Variants in SMAD3 observed in about 807,000 individuals in gnomAD.
The protein encoded by SMAD3 is SMAD family member 3.
SMAD3 carries 12 observed loss-of-function variants against 51.8 expected under a neutral mutation model. The observed-to-expected ratio is 0.23, with a 90% CI of 0.15 to 0.38. The LOEUF (loss-of-function observed/expected upper bound fraction) is 0.38. SMAD3 is among the 10% of genes least tolerant of loss of function. The pLI is 1.00. For synonymous variants in SMAD3, 238 were observed against 227.7 expected, an observed-to-expected ratio of 1.05 and a Z score of -0.41; for missense variants, 294 against 565.6, an observed-to-expected ratio of 0.52 and a Z score of 4.87.
At position 67,092,538 on chromosome 15, in the gene SMAD3, T is replaced by G. The variant is rs79458729; in HGVS notation, c.206+26178T>G. 8.5e-3 allele frequency among the ~76,000 whole-genome samples: 1,295 copies of G among 152,244 alleles called. 8 individuals carry two copies. The highest frequency in any genetic ancestry group is 0.011 in the Non-Finnish European group (757 of 68,010). On this transcript the variant is annotated intron_variant, in intron 1 of 8. Coordinates refer to ENST00000327367, the MANE Select transcript of SMAD3 (RefSeq NM_005902.4). ...AACCCTGAGGGCGGTCCCAGCAGTC[T>G]GAATTTTGTACACTCTCCGAGGGCT...
At chr15:67,075,085 C>T (rs570141020) in intron 1 of SMAD3, among the ~76,000 whole-genome samples, 8 of 150,972 alleles carry the variant, frequency 5.3e-5, no homozygotes, top group Admixed American at 2.0e-4. Context: ...TTTTAAAGGT[C>T]TGTTTTTACG....
chr15:67,084,070 CTTTTT>C (rs56675753), intron 1 of SMAD3, among the ~76,000 whole-genome samples: 9 of 85,068 alleles, frequency 1.1e-4, no homozygotes, highest in South Asian at 5.8e-4. Flanking sequence ...CTTTTTTTTT[CTTTTT>C]TTTTTTTTTT....
intron 1 of SMAD3, among the ~76,000 whole-genome samples, chr15:67,150,766 G>T (rs1248312028): frequency 7.6e-6 from 1 of 131,898 alleles, no homozygotes; most frequent in Non-Finnish European, 1.5e-5. Flanking sequence ...AGAAATTGCA[G>T]TTGTCAGGGG....
rs898651285 is a variant in SMAD3 at position 67,102,749 on chromosome 15, G to A, written c.206+36389G>A. On this transcript the variant is annotated intron_variant, in intron 1 of 8. Coordinates refer to ENST00000327367, the MANE Select transcript of SMAD3 (RefSeq NM_005902.4). ...GAAGATCTGGATATACCATGTTTCT[G>A]TAGGCATGATACGTGGTCCCTTAGC... Among the ~76,000 whole-genome samples, 23 of 152,142 alleles carry A rather than the reference G, an allele frequency of 1.5e-4. 1 individual carries two copies. The highest frequency in any genetic ancestry group is 5.1e-4 in the African/African-American group (21 of 41,432).
At chr15:67,147,964 A>G (rs1370130340) in intron 1 of SMAD3, among the ~76,000 whole-genome samples, 1 of 152,100 alleles carries the variant, frequency 6.6e-6, no homozygotes, top group Non-Finnish European at 1.5e-5. Context: ...TTTCTCTCTC[A>G]TCCTTTCTGT....
At chr15:67,150,189 G>A (rs1260286675) in intron 1 of SMAD3, among the ~76,000 whole-genome samples, 2 of 152,224 alleles carry the variant, frequency 1.3e-5, no homozygotes, top group Non-Finnish European at 2.9e-5. Context: ...ATGTCACTGA[G>A]TCGCCCGGTT....
intron 1 of SMAD3, among the ~76,000 whole-genome samples, chr15:67,163,424 C>T (rs1962483378): frequency 6.6e-6 from 1 of 152,090 alleles, no homozygotes; most frequent in South Asian, 2.1e-4. Flanking sequence ...TTTAGTGGCA[C>T]CTCCTCACCT....
intron 5 of SMAD3, among the ~76,000 whole-genome samples, chr15:67,176,326 C>G (rs982896191): frequency 1.3e-5 from 2 of 152,074 alleles, no homozygotes; most frequent in African/African-American, 4.8e-5. Context: ...GCAGAGGACC[C>G]AGGCAGGACT....
At chr15:67,183,264 G>A (rs1409077994) in intron 6 of SMAD3, among the ~76,000 whole-genome samples, 5 of 151,366 alleles carry the variant, frequency 3.3e-5, no homozygotes, top group Admixed American at 6.6e-5. Context: ...GGCTAGTCTC[G>A]AACTCCTGAC....
rs946194182 is a variant in SMAD3 at position 67,099,017 on chromosome 15, T to A, written c.206+32657T>A. 4.3e-6 allele frequency: 3 copies of A among 700,302 alleles called. No homozygotes were observed. In the African/African-American group the frequency reaches 5.3e-5, roughly 12 times the overall value. 43.4% of individuals were successfully genotyped at this position (700,302 alleles called of 1,614,324 possible). Reference sequence around the variant, plus strand: ...ACAGAGCGTATGTCCTGAGCGAGGATCAACTCTGTGAGTACCCATGATAAT... The same window carrying A: ...ACAGAGCGTATGTCCTGAGCGAGGAACAACTCTGTGAGTACCCATGATAAT... On this transcript the variant is annotated intron_variant, in intron 1 of 8. Coordinates refer to ENST00000327367, the MANE Select transcript of SMAD3 (RefSeq NM_005902.4).
At chr15:67,102,022 T>A (rs1283665875) in intron 1 of SMAD3, among the ~76,000 whole-genome samples, 1 of 152,212 alleles carries the variant, frequency 6.6e-6, no homozygotes, top group Non-Finnish European at 1.5e-5. Context: ...TGGAATGCGC[T>A]GATATTTATT....
chr15:67,136,320 C>T (rs1451665832), intron 1 of SMAD3, among the ~76,000 whole-genome samples: 1 of 146,950 alleles, frequency 6.8e-6, no homozygotes, highest in African/African-American at 2.5e-5. Flanking sequence ...ATCCCAGAGT[C>T]AGTCATTCTT....
At chr15:67,135,962 G>A (rs1006856252) in intron 1 of SMAD3, among the ~76,000 whole-genome samples, 1 of 151,878 alleles carries the variant, frequency 6.6e-6, no homozygotes, top group African/African-American at 2.4e-5. Flanking sequence ...CCTTCTTCTC[G>A]CTCCCGTTTC....
intron 1 of SMAD3, among the ~76,000 whole-genome samples, chr15:67,115,433 T>G (rs940090962): frequency 6.6e-6 from 1 of 152,220 alleles, no homozygotes; most frequent in African/African-American, 2.4e-5. Flanking sequence ...GAAAAGTTGT[T>G]TTGGCTCCAT....
chr15:67,164,082 C>T lies in SMAD3; in HGVS notation c.207-813C>T, dbSNP rs190342012. ...ATCCCAGCACTTTGGGAGGCTGAGG[C>T]GGGCAGATCACGAGGTTAGGAGATC... On this transcript the variant is annotated intron_variant, in intron 1 of 8. Coordinates refer to ENST00000327367, the MANE Select transcript of SMAD3 (RefSeq NM_005902.4). Among the ~76,000 whole-genome samples, 487 of 151,698 alleles carry T rather than the reference C, an allele frequency of 3.2e-3. 2 individuals carry two copies. The highest frequency in any genetic ancestry group is 3.7e-3 in the Non-Finnish European group (249 of 67,930).
intron 1 of SMAD3, among the ~76,000 whole-genome samples, chr15:67,114,229 G>C (rs565238376): frequency 1.3e-5 from 2 of 152,014 alleles, no homozygotes; most frequent in African/African-American, 4.8e-5. Flanking sequence ...CCTCTCTCTC[G>C]CCCACTCCCT....
intron 1 of SMAD3, among the ~76,000 whole-genome samples, chr15:67,067,272 C>G (rs1293317368): frequency 6.6e-6 from 1 of 152,108 alleles, no homozygotes; most frequent in Non-Finnish European, 1.5e-5. Context: ...TCCCGTTGCG[C>G]GCTAGCTAGG....
intron 5 of SMAD3, among the ~76,000 whole-genome samples, chr15:67,171,577 A>G (rs925736497): frequency 3.3e-5 from 5 of 152,190 alleles, no homozygotes; most frequent in African/African-American, 1.2e-4. Flanking sequence ...GAAATAGTTA[A>G]TATTTCTTGG....
chr15:67,157,384 C>T (rs902442699), intron 1 of SMAD3, among the ~76,000 whole-genome samples: 1 of 152,196 alleles, frequency 6.6e-6, no homozygotes, highest in African/African-American at 2.4e-5. Flanking sequence ...TTCATCCAAC[C>T]TGCCCCTATC....
Sources: allele counts gnomAD v4.1 joint callset (sites outside exome capture counted in the v4.1 genomes callset), GRCh38; gene constraint gnomAD v4.1.1; transcripts MANE v1.5; gene names NCBI Gene and HGNC (gene_info 2026-07-23, HGNC 2026-07-21).